The following DTWD2 variants were observed in gnomAD, a reference collection of about 807,000 sequenced individuals.
DTWD2 encodes DTW motif tRNA-uridine aminocarboxypropyltransferase 2, also known as tRNA-uridine aminocarboxypropyltransferase 2.
Under a neutral mutation model 31.8 loss-of-function variants are expected in DTWD2, and 39 were observed. The ratio of observed to expected loss-of-function variants is 1.22; its 90% CI spans 0.95 to 1.60. The LOEUF is 1.60. DTWD2 is among the 40% of genes most tolerant of loss of function. The pLI, the probability that DTWD2 is intolerant of heterozygous loss-of-function variation, is 0.00. For synonymous variants in DTWD2, 180 were observed against 142.8 expected, an observed-to-expected ratio of 1.26 and a Z score of -1.86; for missense variants, 515 against 381.5, an observed-to-expected ratio of 1.35 and a Z score of -2.92.
intron 4 of DTWD2, among the ~76,000 whole-genome samples, chr5:118,874,921 C>A (rs570503063): frequency 7.0e-4 from 106 of 152,016 alleles, no homozygotes; most frequent in African/African-American, 2.5e-3. Context: ...TCAGATCCTC[C>A]AAGATCAAAA....
chr5:118,917,981 T>C (rs1285618829), intron 4 of DTWD2, among the ~76,000 whole-genome samples: 3 of 150,946 alleles, frequency 2.0e-5, no homozygotes, highest in East Asian at 3.9e-4. Flanking sequence ...AACCATCCAA[T>C]TTCATGAGAA....
intron 4 of DTWD2, among the ~76,000 whole-genome samples, chr5:118,853,540 C>T (rs1752062467): frequency 6.6e-6 from 1 of 152,108 alleles, no homozygotes; most frequent in Admixed American, 6.5e-5. Context: ...AAATGTGGTA[C>T]ATTTGCATTA....
At chr5:118,905,388 C>T (rs952293964) in intron 4 of DTWD2, among the ~76,000 whole-genome samples, 1 of 152,072 alleles carries the variant, frequency 6.6e-6, no homozygotes, top group Non-Finnish European at 1.5e-5. Flanking sequence ...CCTGCAGCTG[C>T]AGAGCGTATA....
chr5:118,922,002 G>C (rs1368411532), intron 4 of DTWD2, among the ~76,000 whole-genome samples: 1 of 152,180 alleles, frequency 6.6e-6, no homozygotes, highest in Non-Finnish European at 1.5e-5. Context: ...AGCTTTAGTG[G>C]ACATTTTAAC....
At chr5:118,983,919 G>A (rs1755363177) in intron 1 of DTWD2, among the ~76,000 whole-genome samples, 2 of 152,222 alleles carry the variant, frequency 1.3e-5, no homozygotes, top group African/African-American at 4.8e-5. Flanking sequence ...GGAGGCTGAA[G>A]CAGGCGGCTC....
intron 3 of DTWD2, among the ~76,000 whole-genome samples, chr5:118,938,186 A>G (rs2149583479): frequency 6.6e-6 from 1 of 152,282 alleles, no homozygotes; most frequent in South Asian, 2.1e-4. Flanking sequence ...ACATTATACT[A>G]AAGGTATCAG....
At chr5:118,900,691 C>A (rs1753185016) in intron 4 of DTWD2, among the ~76,000 whole-genome samples, 2 of 151,978 alleles carry the variant, frequency 1.3e-5, no homozygotes, top group Non-Finnish European at 2.9e-5. Context: ...CTTTGGGAGG[C>A]CAAGACGGGC....
At chr5:118,937,158 T>A (rs780418223) in intron 3 of DTWD2, among the ~76,000 whole-genome samples, 17 of 152,142 alleles carry the variant, frequency 1.1e-4, no homozygotes, top group Non-Finnish European at 2.4e-4. Context: ...GGTTTTAACA[T>A]GCAGAAATCA....
chr5:118,919,349 G>C (rs759418644), intron 4 of DTWD2, among the ~76,000 whole-genome samples: 1 of 152,140 alleles, frequency 6.6e-6, no homozygotes, highest in South Asian at 2.1e-4. Flanking sequence ...AGAAGAAAAC[G>C]GTCTCTAGGT....
Position 118,894,855 on chromosome 5 carries a change from T to A in DTWD2, c.597+33682A>T, listed in dbSNP as rs1174474858. On this transcript the variant is annotated intron_variant, in intron 4 of 5. Transcript: ENST00000510708. Reference sequence around the variant, plus strand: ...CAACAAACCTGGTACAGAAAAAACATACCTCAACATCATAAGGGCCATATA... The same window carrying A: ...CAACAAACCTGGTACAGAAAAAACAAACCTCAACATCATAAGGGCCATATA... Among the ~76,000 whole-genome samples, 5 of 151,994 alleles carry A rather than the reference T, an allele frequency of 3.3e-5. No homozygotes were observed. In the East Asian group the frequency reaches 9.6e-4, roughly 29 times the overall value.
At chr5:118,956,795 T>A (rs187925511) in intron 1 of DTWD2, among the ~76,000 whole-genome samples, 2 of 152,114 alleles carry the variant, frequency 1.3e-5, no homozygotes, top group African/African-American at 4.8e-5. Flanking sequence ...ACTCCTAACA[T>A]AGCGAAAAAG....
chr5:118,899,222 G>A (rs1753150341), intron 4 of DTWD2, among the ~76,000 whole-genome samples: 1 of 152,224 alleles, frequency 6.6e-6, no homozygotes, highest in Non-Finnish European at 1.5e-5. Flanking sequence ...AGACTGTGAT[G>A]TGTCTCATGA....
chr5:118,848,842 G>T (rs1456846146), intron 4 of DTWD2, among the ~76,000 whole-genome samples: 2 of 152,210 alleles, frequency 1.3e-5, no homozygotes, highest in Non-Finnish European at 2.9e-5. Context: ...ACTGAAACTG[G>T]ACCCCTTCCT....
rs1159548983 is a variant in DTWD2, at chr5:118,939,212, GA to G, written c.387del (p.Arg130AlafsTer20). 2.5e-6 allele frequency: 4 copies of G among 1,604,374 alleles called. No homozygotes were observed. Among genetic ancestry groups the G allele is most frequent in the Non-Finnish European group, 3.4e-6 (4 of 1,174,872 alleles). On this transcript the variant is annotated frameshift_variant, in exon 3 of 6. Coordinates refer to ENST00000510708, the MANE Select transcript of DTWD2 (RefSeq NM_173666.4). LOFTEE classifies it high-confidence loss of function. ...TTAATTTACCTTTCTTCACTGAAGC[GA>G]CGACCGATCTTCACTTTACACTTGT... ...PQDKCKVKIG[R>X]RFSEERDPEL...
At chr5:118,869,778 C>T (rs1056466360) in intron 4 of DTWD2, among the ~76,000 whole-genome samples, 11 of 152,120 alleles carry the variant, frequency 7.2e-5, no homozygotes, top group African/African-American at 2.7e-4. Flanking sequence ...TCAACTGAGC[C>T]ATTTTACTTC....
chr5:118,890,310 T>C (rs893057185), intron 4 of DTWD2, among the ~76,000 whole-genome samples: 1 of 152,202 alleles, frequency 6.6e-6, no homozygotes, highest in Non-Finnish European at 1.5e-5. Flanking sequence ...TCTAAACAAA[T>C]AGTCTTATAT....
At chr5:118,919,961 T>C (rs1753664535) in intron 4 of DTWD2, among the ~76,000 whole-genome samples, 1 of 152,028 alleles carries the variant, frequency 6.6e-6, no homozygotes, top group South Asian at 2.1e-4. Context: ...CCCCACCAAT[T>C]AGTCTCCTTT....
At chr5:118,852,322 G>A (rs547762164) in intron 4 of DTWD2, among the ~76,000 whole-genome samples, 103 of 152,284 alleles carry the variant, frequency 6.8e-4, no homozygotes, top group African/African-American at 2.4e-3. Context: ...GTCCTGACGT[G>A]ATGTACATCC....
chr5:118,855,362 C>T (rs949705525), intron 4 of DTWD2, among the ~76,000 whole-genome samples: 3 of 150,958 alleles, frequency 2.0e-5, no homozygotes, highest in African/African-American at 4.8e-5. Context: ...GGATATTTAT[C>T]GCACAGCTTT....
Sources: allele counts gnomAD v4.1 joint callset (sites outside exome capture counted in the v4.1 genomes callset), GRCh38; gene constraint gnomAD v4.1.1; transcripts MANE v1.5; gene names NCBI Gene and HGNC (gene_info 2026-07-23, HGNC 2026-07-21).